The following ATXN8OS variants were observed in gnomAD, a reference collection of about 807,000 sequenced individuals.
ATXN8OS encodes the protein ATXN8 opposite strand (non-protein coding).
At chr13:70,153,969 G>A (rs1212121160) in intron 4 of ATXN8OS, among the ~76,000 whole-genome samples, 1 of 152,110 alleles carries the variant, frequency 6.6e-6, no homozygotes, top group Non-Finnish European at 1.5e-5. Flanking sequence ...TTACAGGCAT[G>A]AGCCACTGCA....
intron 3 of ATXN8OS, among the ~76,000 whole-genome samples, chr13:70,130,141 GC>G (rs1168130405): frequency 2.0e-5 from 3 of 152,168 alleles, no homozygotes; most frequent in African/African-American, 7.2e-5. Flanking sequence ...GAAAGAAAAT[GC>G]CATTCTTAGT....
chr13:70,144,201 G>A (rs1159114571), intron 3 of ATXN8OS, among the ~76,000 whole-genome samples: 1 of 151,916 alleles, frequency 6.6e-6, no homozygotes, highest in Non-Finnish European at 1.5e-5. Flanking sequence ...TATCAAAATG[G>A]CTTATCACAT....
intron 3 of ATXN8OS, among the ~76,000 whole-genome samples, chr13:70,135,185 A>G (rs910650752): frequency 6.6e-6 from 1 of 152,160 alleles, no homozygotes; most frequent in African/African-American, 2.4e-5. Context: ...GAAACCCATT[A>G]TAAGTCATTA....
chr13:70,165,866 C>G (rs1468159892), intron 4 of ATXN8OS, among the ~76,000 whole-genome samples: 3 of 151,794 alleles, frequency 2.0e-5, no homozygotes, highest in Admixed American at 2.0e-4. Context: ...ATTTAAACAA[C>G]AAAATAATAA....
At chr13:70,164,339 T>C (rs1219943732) in intron 4 of ATXN8OS, among the ~76,000 whole-genome samples, 1 of 151,670 alleles carries the variant, frequency 6.6e-6, no homozygotes, top group Non-Finnish European at 1.5e-5. Context: ...TTCCTTCTCC[T>C]CCTCTTTCTC....
At chr13:70,127,165 A>G (rs2137480080) in intron 2 of ATXN8OS, among the ~76,000 whole-genome samples, 1 of 152,050 alleles carries the variant, frequency 6.6e-6, no homozygotes, top group East Asian at 1.9e-4. Context: ...TCAATAATTT[A>G]TCTCATTTTT....
chr13:70,131,065 T>C, intron 3 of ATXN8OS: 1 of 398,508 alleles, frequency 2.5e-6, no homozygotes, highest in Non-Finnish European at 4.4e-6. Flanking sequence ...CTTTGACCAA[T>C]TTTGTCTTAT....
chr13:70,131,673 A>G, intron 3 of ATXN8OS: 1 of 394,958 alleles, frequency 2.5e-6, no homozygotes, highest in Non-Finnish European at 4.5e-6. Flanking sequence ...TCTCTGGCCA[A>G]CCCAGACTAG....
chr13:70,154,948 C>G (rs755045112), intron 4 of ATXN8OS, among the ~76,000 whole-genome samples: 1 of 152,172 alleles, frequency 6.6e-6, no homozygotes, highest in Admixed American at 6.5e-5. Context: ...GAAATCCTGT[C>G]TTTGTCTTGC....
intron 2 of ATXN8OS, among the ~76,000 whole-genome samples, chr13:70,116,487 G>T (rs1454019232): frequency 6.6e-6 from 1 of 152,118 alleles, no homozygotes; most frequent in Non-Finnish European, 1.5e-5. Flanking sequence ...GATAAAGTTT[G>T]GTGTATTTAA....
intron 2 of ATXN8OS, among the ~76,000 whole-genome samples, chr13:70,123,667 T>G (rs1251668808): frequency 6.6e-6 from 1 of 152,098 alleles, no homozygotes; most frequent in Non-Finnish European, 1.5e-5. Context: ...CCAAATATAT[T>G]ATGTTAAGCC....
intron 4 of ATXN8OS, among the ~76,000 whole-genome samples, chr13:70,157,397 G>A (rs373893979): frequency 7.9e-5 from 12 of 151,500 alleles, no homozygotes; most frequent in Non-Finnish European, 1.6e-4. Context: ...TACAAATCTA[G>A]AATGTGACTC....
chr13:70,164,819 T>G lies in ATXN8OS; in HGVS notation n.574-4934T>G, dbSNP rs548154661. 4.2e-4 allele frequency among the ~76,000 whole-genome samples: 64 copies of G among 152,118 alleles called. 1 individual carries two copies. Among genetic ancestry groups the G allele is most frequent in the Non-Finnish European group, 1.5e-4 (10 of 67,906 alleles). Reference sequence around the variant, plus strand: ...CCTCACTGTATTTCTAGAAAATGATTGCTCCATGATGAGCTTCCTATATTC... The same window carrying G: ...CCTCACTGTATTTCTAGAAAATGATGGCTCCATGATGAGCTTCCTATATTC... On this transcript the variant is annotated intron_variant and non_coding_transcript_variant, in intron 4 of 4. Coordinates refer to ENST00000678624, the Ensembl canonical transcript of ATXN8OS.
chr13:70,107,517 C>G (rs111324959), upstream of ATXN8OS: 707 of 1,612,850 alleles, frequency 4.4e-4, 2 homozygotes, highest in African/African-American at 8.0e-3. Flanking sequence ...CACCGCTTCT[C>G]TCTTGGCTTT....
chr13:70,130,427 T>A (rs927392029), intron 3 of ATXN8OS, among the ~76,000 whole-genome samples: 1 of 152,164 alleles, frequency 6.6e-6, no homozygotes, highest in African/African-American at 2.4e-5. Flanking sequence ...ATTAACATAC[T>A]AAGAAGGCTT....
intron 1 of ATXN8OS, among the ~76,000 whole-genome samples, chr13:70,112,929 T>A (rs1888218707): frequency 1.8e-5 from 2 of 109,790 alleles, no homozygotes; most frequent in Non-Finnish European, 2.0e-5. Context: ...AATTTTTTTT[T>A]TTTTTTTTTT....
chr13:70,168,321 G>T (rs1289317342), intron 4 of ATXN8OS, among the ~76,000 whole-genome samples: 2 of 152,024 alleles, frequency 1.3e-5, no homozygotes. Flanking sequence ...GGGGATTCAG[G>T]TTATCTATCA....
At chr13:70,161,453 T>G (rs1889007888) in intron 4 of ATXN8OS, among the ~76,000 whole-genome samples, 3 of 152,214 alleles carry the variant, frequency 2.0e-5, no homozygotes, top group African/African-American at 7.2e-5. Context: ...GCTCTTCTCC[T>G]AGGCAATCTA....
rs114064788 is a variant in ATXN8OS at position 70,110,705 on chromosome 13, T to C, written n.240+2686T>C. The stretch of plus-strand genomic sequence containing the variant: ...AAATATACTTTGTAAAATACTGCAC[T>C]AATTAATTTATCTATTATTCAAAAA... On this transcript the variant is annotated intron_variant and non_coding_transcript_variant, in intron 1 of 4. Transcript: ENST00000678624. Among the ~76,000 whole-genome samples the C allele has an allele frequency of 7.6e-3, 1,152 of 152,170 alleles. 12 individuals carry two copies. The highest frequency in any genetic ancestry group is 0.026 in the African/African-American group (1,100 of 41,534).
Sources: gnomAD v4.1 joint callset for allele counts (sites outside exome capture counted in the v4.1 genomes callset) on GRCh38, gnomAD v4.1.1 for gene constraint, MANE v1.5 for transcripts, NCBI Gene and HGNC (gene_info 2026-07-23, HGNC 2026-07-21) for gene names.